The following UBE2K variants were observed in gnomAD, a reference collection of about 807,000 sequenced individuals.
The protein encoded by UBE2K is ubiquitin conjugating enzyme E2 K, also known as ubiquitin-conjugating enzyme E2 K.
Under a neutral mutation model 30.0 loss-of-function variants are expected in UBE2K, and 6 were observed. The ratio of observed to expected loss-of-function variants is 0.20; its 90% CI spans 0.11 to 0.39. The LOEUF (loss-of-function observed/expected upper bound fraction) is 0.39, where lower values mean the gene tolerates loss of function less well. Among genes scored for constraint, UBE2K ranks in the 10% least tolerant of loss-of-function variants. The pLI, the probability that UBE2K is intolerant of heterozygous loss-of-function variation, is 1.00. For missense variants in UBE2K, 61 were observed against 241.6 expected, an observed-to-expected ratio of 0.25 and a Z score of 4.96; for synonymous variants, 86 against 83.7, an observed-to-expected ratio of 1.03 and a Z score of -0.15.
At chr4:39,709,578 A>G (rs1217701682) in intron 1 of UBE2K, among the ~76,000 whole-genome samples, 1 of 152,082 alleles carries the variant, frequency 6.6e-6, no homozygotes, top group Non-Finnish European at 1.5e-5. Flanking sequence ...TAATTTATAG[A>G]TTAAACTTTA....
At chr4:39,732,240 G>C (rs915639885) in intron 1 of UBE2K, among the ~76,000 whole-genome samples, 9 of 152,172 alleles carry the variant, frequency 5.9e-5, no homozygotes, top group Non-Finnish European at 1.5e-5. Context: ...TGAAACTGGA[G>C]TACAAAGTAG....
At chr4:39,773,133 A>G (rs1029496342) in intron 4 of UBE2K, among the ~76,000 whole-genome samples, 1 of 152,174 alleles carries the variant, frequency 6.6e-6, no homozygotes, top group African/African-American at 2.4e-5. Context: ...TTAATCCAAA[A>G]AACTTGTCCT....
intron 1 of UBE2K, among the ~76,000 whole-genome samples, chr4:39,730,408 G>A (rs1055796579): frequency 2.0e-5 from 3 of 152,000 alleles, no homozygotes; most frequent in African/African-American, 7.3e-5. Flanking sequence ...CGGGTCTTAA[G>A]CTCCTGGGCT....
At chr4:39,741,116 C>G (rs1224153659) in intron 2 of UBE2K, among the ~76,000 whole-genome samples, 1 of 151,652 alleles carries the variant, frequency 6.6e-6, no homozygotes, top group Non-Finnish European at 1.5e-5. Flanking sequence ...ACTAAAAATA[C>G]AAAAATTAGC....
intron 1 of UBE2K, chr4:39,714,092 T>A (rs1718871289): frequency 6.6e-6 from 1 of 152,282 alleles, no homozygotes; most frequent in Non-Finnish European, 1.5e-5. Context: ...CTCACACTAC[T>A]TTTTGTAGAG....
chr4:39,757,002 T>TTTTTTTTG (rs1315249971), intron 4 of UBE2K, among the ~76,000 whole-genome samples: 4 of 130,594 alleles, frequency 3.1e-5, no homozygotes, highest in South Asian at 2.6e-4. Flanking sequence ...TTTTGGGTGT[T>TTTTTTTTG]TTTTTTTTGT....
intron 1 of UBE2K, among the ~76,000 whole-genome samples, chr4:39,728,958 C>T (rs1405481554): frequency 4.0e-5 from 6 of 150,352 alleles, no homozygotes; most frequent in Non-Finnish European, 7.4e-5. Flanking sequence ...TGAGCCACCG[C>T]GCACAGCCCC....
At chr4:39,715,307 C>T (rs1718997428) in intron 1 of UBE2K, among the ~76,000 whole-genome samples, 2 of 151,214 alleles carry the variant, frequency 1.3e-5, no homozygotes, top group South Asian at 2.1e-4. Flanking sequence ...GGATTACAGA[C>T]GTGAGCCACC....
At chr4:39,737,858 G>A (rs1358309199) in intron 2 of UBE2K, among the ~76,000 whole-genome samples, 1 of 152,132 alleles carries the variant, frequency 6.6e-6, no homozygotes, top group African/African-American at 2.4e-5. Context: ...AACAGACCTT[G>A]CCTTAAATAT....
chr4:39,753,621 A>T (rs149926451), intron 3 of UBE2K, among the ~76,000 whole-genome samples: 74 of 152,354 alleles, frequency 4.9e-4, no homozygotes, highest in African/African-American at 1.7e-3. Flanking sequence ...TGTGGAATAG[A>T]TCAGGAAGAA....
Position 39,737,284 on chromosome 4 carries a change from A to G in UBE2K, c.64-136A>G, listed in dbSNP as rs542259205. The stretch of plus-strand genomic sequence containing the variant: ...TCTTAAAACTGGATAATTAAGTCCT[A>G]GAAAAGCCGAGACTTATTTTACTAG... On this transcript the variant is annotated intron_variant, in intron 1 of 6. Coordinates refer to ENST00000261427, the MANE Select transcript of UBE2K (RefSeq NM_005339.5). 8.3e-6 allele frequency: 4 copies of G among 482,200 alleles called. No homozygotes were observed. In the South Asian group the frequency reaches 1.8e-4, roughly 22 times the overall value. 29.9% of individuals were successfully genotyped at this position (482,200 alleles called of 1,614,324 possible). A position where few individuals can be genotyped will look rare whatever the true frequency, so the allele number is the denominator to read the frequency against.
chr4:39,733,626 C>T (rs538466996), intron 1 of UBE2K, among the ~76,000 whole-genome samples: 1 of 152,146 alleles, frequency 6.6e-6, no homozygotes, highest in East Asian at 1.9e-4. Flanking sequence ...AGCCACTGCA[C>T]CCAGCCAAAT....
At chr4:39,768,515 T>A (rs1232981276) in intron 4 of UBE2K, among the ~76,000 whole-genome samples, 2 of 151,244 alleles carry the variant, frequency 1.3e-5, no homozygotes, top group African/African-American at 2.4e-5. Flanking sequence ...GAGGACTGAG[T>A]TTGGCTTTTT....
At chr4:39,773,116 A>G (rs995094108) in intron 4 of UBE2K, among the ~76,000 whole-genome samples, 52 of 152,294 alleles carry the variant, frequency 3.4e-4, no homozygotes, top group African/African-American at 1.2e-3. Context: ...AAATTAAGTG[A>G]TGTAGTTTAA....
At chr4:39,701,765 T>C (rs1275311111) in intron 1 of UBE2K, among the ~76,000 whole-genome samples, 1 of 151,936 alleles carries the variant, frequency 6.6e-6, no homozygotes, top group Admixed American at 6.6e-5. Flanking sequence ...TTCATGTTTT[T>C]TTTTTTTTCT....
intron 4 of UBE2K, among the ~76,000 whole-genome samples, chr4:39,772,100 A>G (rs1218312388): frequency 6.6e-6 from 1 of 152,118 alleles, no homozygotes; most frequent in African/African-American, 2.4e-5. Flanking sequence ...GCCTTCCTAA[A>G]TGCTGGGATT....
intron 2 of UBE2K, among the ~76,000 whole-genome samples, chr4:39,739,507 T>TA (rs1720562245): frequency 7.3e-6 from 1 of 137,782 alleles, no homozygotes; most frequent in South Asian, 2.3e-4. Context: ...AGTGCAGTGG[T>TA]ACGATCTTGG....
intron 1 of UBE2K, among the ~76,000 whole-genome samples, chr4:39,724,192 G>A (rs1221844374): frequency 6.7e-6 from 1 of 150,296 alleles, no homozygotes; most frequent in Non-Finnish European, 1.5e-5. Context: ...ACTACAACCT[G>A]GAACTCCTGG....
intron 4 of UBE2K, among the ~76,000 whole-genome samples, chr4:39,767,299 G>GTTT (rs71194918): frequency 4.4e-4 from 61 of 139,802 alleles, no homozygotes; most frequent in African/African-American, 1.5e-3. Flanking sequence ...CTTTTTTTCT[G>GTTT]TTTTTTTTTT....
Sources: allele counts gnomAD v4.1 joint callset (sites outside exome capture counted in the v4.1 genomes callset), GRCh38; gene constraint gnomAD v4.1.1; transcripts MANE v1.5; gene names NCBI Gene and HGNC (gene_info 2026-07-23, HGNC 2026-07-21).